Variants in DOP1A observed in about 807,000 individuals in gnomAD.
DOP1A encodes the protein protein DOP1A.
In DOP1A, 90 loss-of-function variants were observed where a neutral mutation model predicts 267.6. That is an observed-to-expected ratio of 0.34 (90% CI 0.28 to 0.40). DOP1A has a LOEUF of 0.40. DOP1A is among the 10% of genes least tolerant of loss of function. The probability of loss-of-function intolerance (pLI) is 1.00; values close to 1 mark genes in which losing one functional copy is unlikely to be tolerated. For synonymous variants in DOP1A, 932 were observed against 999.1 expected (o/e 0.93, Z 1.27); for missense variants, 2,437 against 2,900.4 (o/e 0.84, Z 3.67).
At chr6:83,104,183 GTTC>G (rs1192782982) in intron 4 of DOP1A, among the ~76,000 whole-genome samples, 1 of 152,092 alleles carries the variant, frequency 6.6e-6, no homozygotes, top group Non-Finnish European at 1.5e-5. Context: ...AAGTTCACTT[GTTC>G]TTTCTAATAG....
chr6:83,154,998 T>C (rs1468064877), intron 33 of DOP1A, among the ~76,000 whole-genome samples: 2 of 152,070 alleles, frequency 1.3e-5, no homozygotes, highest in African/African-American at 4.8e-5. Flanking sequence ...AAGACAACAG[T>C]GGGCCACGCA....
At chr6:83,150,510 CTT>C (rs1476869226) in intron 27 of DOP1A, among the ~76,000 whole-genome samples, 1 of 152,112 alleles carries the variant, frequency 6.6e-6, no homozygotes, top group Admixed American at 6.5e-5. Flanking sequence ...ATACTAGAAA[CTT>C]TATTTCCTTT....
At chr6:83,085,352 A>G (rs1418750166) in intron 1 of DOP1A, among the ~76,000 whole-genome samples, 1 of 152,250 alleles carries the variant, frequency 6.6e-6, no homozygotes, top group Non-Finnish European at 1.5e-5. Context: ...GATGATAGAC[A>G]GGAAACAAGC....
chr6:83,121,821 T>C (rs1454088183), intron 10 of DOP1A, 109 bp from the exon 11 acceptor site: 4 of 1,149,406 alleles, frequency 3.5e-6, no homozygotes, highest in African/African-American at 3.1e-5. Flanking sequence ...AGAAATACTA[T>C]TTTAAAAATA....
intron 27 of DOP1A, among the ~76,000 whole-genome samples, chr6:83,150,191 T>A (rs1028787769): frequency 1.3e-5 from 2 of 152,098 alleles, no homozygotes; most frequent in African/African-American, 2.4e-5. Flanking sequence ...CTAGGCAACA[T>A]AGGGAGACTG....
rs766652250 is a variant in DOP1A, at chr6:83,110,198, C to A, written c.565C>A (p.Leu189Ile). Residue 189 changes from leucine to isoleucine, a missense_variant, in exon 6 of 39, where the codon CTT becomes ATT. Leu to Ile is a conservative substitution (Grantham distance 5, BLOSUM62 2). Coordinates refer to ENST00000349129, the MANE Select transcript of DOP1A (RefSeq NM_015018.4). ...SAFYSALWGS[L>I]LTSPAVRLPG... ...ATTCTACAGTGCCCTGTGGGGTAGT[C>A]TTCTCACCAGTCCTGCTGTGCGTTT... 4 of 1,613,884 alleles carry A rather than the reference C, an allele frequency of 2.5e-6. No individual in the cohort carries two copies. Among genetic ancestry groups the A allele is most frequent in the Non-Finnish European group, 3.4e-6 (4 of 1,179,942 alleles).
At chr6:83,085,732 C>A (rs979168842) in intron 1 of DOP1A, among the ~76,000 whole-genome samples, 2 of 152,044 alleles carry the variant, frequency 1.3e-5, no homozygotes, top group African/African-American at 4.8e-5. Context: ...TAGAAGGTGA[C>A]CAGGACAAGC....
At chr6:83,098,967 C>A (rs1204964630) in intron 3 of DOP1A, among the ~76,000 whole-genome samples, 1 of 152,000 alleles carries the variant, frequency 6.6e-6, no homozygotes, top group Non-Finnish European at 1.5e-5. Flanking sequence ...GGTCTTTGAC[C>A]TACAATGAGA....
At chr6:83,105,104 A>G (rs1377223912) in intron 4 of DOP1A, among the ~76,000 whole-genome samples, 1 of 152,108 alleles carries the variant, frequency 6.6e-6, no homozygotes, top group Non-Finnish European at 1.5e-5. Flanking sequence ...TAACCAAACA[A>G]TTAAAATATA....
intron 38 of DOP1A, chr6:83,166,756 G>A (rs1785783271): frequency 1.8e-6 from 2 of 1,108,190 alleles, no homozygotes; most frequent in Non-Finnish European, 2.2e-6. Flanking sequence ...AAAATAAGCT[G>A]GATTTTGCAT....
intron 7 of DOP1A, among the ~76,000 whole-genome samples, chr6:83,118,325 A>G (rs1209135167): frequency 1.4e-4 from 21 of 152,190 alleles, no homozygotes; most frequent in Non-Finnish European, 4.4e-5. Flanking sequence ...TTGGGAAAAA[A>G]GAAAAAAATT....
Position 83,168,181 on chromosome 6 carries a change from T to C in DOP1A, c.*14T>C. On this transcript the variant is annotated 3_prime_UTR_variant, in exon 39 of 39. Coordinates refer to ENST00000349129, the MANE Select transcript of DOP1A (RefSeq NM_015018.4). ...ATAAAAACTTGAGCACCATTGCTGG[T>C]TCCATTTAGCTTACATGTAAATGTA... 6.2e-7 allele frequency: 1 copy of C among 1,604,780 alleles called. No individual in the cohort carries two copies. The highest frequency in any genetic ancestry group is 2.2e-5 in the East Asian group (1 of 44,776).
At chr6:83,143,396 C>T (rs952925341) in intron 24 of DOP1A, among the ~76,000 whole-genome samples, 12 of 152,034 alleles carry the variant, frequency 7.9e-5, no homozygotes, top group African/African-American at 2.9e-4. Flanking sequence ...TAAATATTAG[C>T]TATATTATTC....
chr6:83,096,931 A>T lies in DOP1A; in HGVS notation c.-47A>T, dbSNP rs1771610873. On this transcript the variant is annotated 5_prime_UTR_variant, in exon 3 of 39. Coordinates refer to ENST00000349129, the MANE Select transcript of DOP1A (RefSeq NM_015018.4). ...CCTGCAAACTCTTTTGTAGGTAATG[A>T]CTTTACATGAGTTTGGAACTGGTCT... 1 of 1,592,550 alleles carries T rather than the reference A, an allele frequency of 6.3e-7. No individual in the cohort carries two copies. Among genetic ancestry groups the T allele is most frequent in the Non-Finnish European group, 8.5e-7 (1 of 1,171,084 alleles).
At chr6:83,164,204 A>C (rs1271123006) in intron 38 of DOP1A, among the ~76,000 whole-genome samples, 1 of 150,798 alleles carries the variant, frequency 6.6e-6, no homozygotes, top group Non-Finnish European at 1.5e-5. Context: ...ATAAAAATGG[A>C]ATGAAGAAAG....
chr6:83,145,222 A>AATATATATATATATAAT (rs1780432482), intron 24 of DOP1A, among the ~76,000 whole-genome samples: 1 of 70,550 alleles, frequency 1.4e-5, no homozygotes, highest in Non-Finnish European at 2.4e-5. Context: ...ATATATATAT[A>AATATATATATATATAAT]ATATATATAT....
rs548787410 is a variant in DOP1A, at chr6:83,123,700, G to A, written c.1340+718G>A. 3.9e-5 allele frequency among the ~76,000 whole-genome samples: 6 copies of A among 152,178 alleles called. No individual in the cohort carries two copies. In the East Asian group the frequency reaches 1.2e-3, roughly 29 times the overall value. On this transcript the variant is annotated intron_variant, in intron 12 of 38. Transcript: ENST00000349129. ...CACCCAGTTAAAAAGCATCATGCTA[G>A]GCAGATAGACAGTCCCTGTCTTCAA... is the stretch of plus-strand genomic sequence containing the variant.
chr6:83,074,739 G>T (rs1225311191), intron 1 of DOP1A, among the ~76,000 whole-genome samples: 1 of 152,194 alleles, frequency 6.6e-6, no homozygotes, highest in East Asian at 1.9e-4. Flanking sequence ...CAACGTGAAT[G>T]TACTTAACAC....
chr6:83,145,060 G>T (rs960865150), intron 24 of DOP1A, among the ~76,000 whole-genome samples: 1 of 136,678 alleles, frequency 7.3e-6, no homozygotes, highest in Admixed American at 8.2e-5. Flanking sequence ...CTGTAATTGA[G>T]CCACTGCACT....
Sources: allele counts gnomAD v4.1 joint callset (sites outside exome capture counted in the v4.1 genomes callset), GRCh38; gene constraint gnomAD v4.1.1; transcripts MANE v1.5; gene names NCBI Gene and HGNC (gene_info 2026-07-23, HGNC 2026-07-21).